ERI3: variants seen among roughly 807,000 people sequenced by gnomAD.
ERI3 encodes ERI1 exoribonuclease family member 3.
ERI3 carries 18 observed loss-of-function variants against 44.4 expected under a neutral mutation model. The ratio of observed to expected loss-of-function variants is 0.41; its 90% CI spans 0.28 to 0.60. The LOEUF is 0.60. Ranked by LOEUF, ERI3 falls within the 20% of genes least tolerant of loss-of-function variation. ERI3 has a pLI of 0.36. For synonymous variants in ERI3, 183 were observed against 164.8 expected (o/e 1.11, Z -0.84); for missense variants, 294 against 435.5 (o/e 0.68, Z 2.89).
intron 7 of ERI3, among the ~76,000 whole-genome samples, chr1:44,257,727 C>G (rs962802742): frequency 6.6e-6 from 1 of 152,158 alleles, no homozygotes; most frequent in Non-Finnish European, 1.5e-5. Context: ...TCCCTCTAAC[C>G]CAGCCCTCTG....
chr1:44,312,328 T>C (rs972483663), intron 5 of ERI3, among the ~76,000 whole-genome samples: 6 of 152,168 alleles, frequency 3.9e-5, no homozygotes, highest in African/African-American at 1.4e-4. Flanking sequence ...AAGCACCTAA[T>C]GAGATCCACG....
At chr1:44,288,906 T>C (rs749943490) in intron 6 of ERI3, among the ~76,000 whole-genome samples, 22 of 151,566 alleles carry the variant, frequency 1.5e-4, no homozygotes, top group Non-Finnish European at 2.9e-4. Flanking sequence ...CCTACCAGAT[T>C]GTGATTCCAA....
chr1:44,263,531 T>C (rs1644933020), intron 7 of ERI3, among the ~76,000 whole-genome samples: 1 of 152,202 alleles, frequency 6.6e-6, no homozygotes, highest in South Asian at 2.1e-4. Context: ...AACTTTGTAG[T>C]ACCTTAGATA....
chr1:44,310,963 G>GCGCGTGCGCGCGCGCACA (rs1373873768), intron 5 of ERI3, among the ~76,000 whole-genome samples: 2 of 123,202 alleles, frequency 1.6e-5, no homozygotes, highest in Non-Finnish European at 3.4e-5. Flanking sequence ...GCGCGCGCGC[G>GCGCGTGCGCGCGCGCACA]CACACACACA....
At chr1:44,232,739 CA>C (rs1644215097) in intron 8 of ERI3, among the ~76,000 whole-genome samples, 1 of 152,214 alleles carries the variant, frequency 6.6e-6, no homozygotes, top group Non-Finnish European at 1.5e-5. Flanking sequence ...AAGTCCCAGA[CA>C]ACACATTTCC....
intron 7 of ERI3, among the ~76,000 whole-genome samples, chr1:44,275,629 T>C (rs1006654174): frequency 6.6e-6 from 1 of 152,208 alleles, no homozygotes; most frequent in Non-Finnish European, 1.5e-5. Flanking sequence ...GAGCTGGTCC[T>C]CATCCAATCC....
At chr1:44,293,977 TG>T (rs1168844219) in intron 6 of ERI3, among the ~76,000 whole-genome samples, 1 of 152,230 alleles carries the variant, frequency 6.6e-6, no homozygotes, top group East Asian at 1.9e-4. Flanking sequence ...GGCCATCACC[TG>T]GGAGTCTCCA....
chr1:44,307,010 T>TAAA (rs1645851106), intron 6 of ERI3, among the ~76,000 whole-genome samples: 1 of 152,212 alleles, frequency 6.6e-6, no homozygotes, highest in Non-Finnish European at 1.5e-5. Context: ...TCTACTCCTT[T>TAAA]TCCATGGACT....
At position 44,339,153 on chromosome 1, in the gene ERI3, G is replaced by C; in HGVS notation, c.381C>G (p.Gly127=). ...CCATTGCCGCCATGGATGCGCCAAA[G>C]CCGTGGGCCGCCAGCTTTCTGGTGG... ...SISTRKLAAH[G]FGASMAAMVS... Residue 127 remains glycine (G), a synonymous_variant, in exon 3 of 9, where the codon GGC becomes GGG. Transcript: ENST00000372257. 1 of 1,614,074 alleles carries C rather than the reference G, an allele frequency of 6.2e-7. No individual in the cohort carries two copies. The highest frequency in any genetic ancestry group is 8.5e-7 in the Non-Finnish European group (1 of 1,180,010).
Position 44,352,836 on chromosome 1 carries a change from A to C in ERI3, c.211+14T>G, listed in dbSNP as rs754302539. ...AAAATAAAGCCAGACTTGACCATGC[A>C]ACAGGATTCTCACCTCTCCTTACTT... On this transcript the variant is annotated intron_variant, in intron 2 of 8. Coordinates refer to ENST00000372257, the MANE Select transcript of ERI3 (RefSeq NM_024066.3). 2 of 1,614,090 alleles carry C rather than the reference A, an allele frequency of 1.2e-6. No homozygotes were observed. Among genetic ancestry groups the C allele is most frequent in the South Asian group, 1.1e-5 (1 of 91,070 alleles).
At position 44,252,198 on chromosome 1, in the gene ERI3, G is replaced by GGCTGAGGTGAAAGAT. The variant is rs1321401116; in HGVS notation, c.832-4175_832-4161dup. Among the ~76,000 whole-genome samples, 3 of 152,226 alleles carry GGCTGAGGTGAAAGAT rather than the reference G, an allele frequency of 2.0e-5. No homozygotes were observed. The highest frequency in any genetic ancestry group is 7.2e-5 in the African/African-American group (3 of 41,456). On this transcript the variant is annotated intron_variant, in intron 7 of 8. Coordinates refer to ENST00000372257, the MANE Select transcript of ERI3 (RefSeq NM_024066.3). The surrounding 1 kb of genome is among the most constrained non-coding windows in gnomAD (Gnocchi z 4.7). Reference sequence around the variant, plus strand: ...GCGAGCCACAGGGACAGGTGGAGCTGGCTGAGGTGAAAGATGCTGGGCCTA... The same window carrying GGCTGAGGTGAAAGAT: ...GCGAGCCACAGGGACAGGTGGAGCTGGCTGAGGTGAAAGATGCTGAGGTGAAAGATGCTGGGCCTA...
At chr1:44,236,453 C>T (rs983087260) in intron 8 of ERI3, among the ~76,000 whole-genome samples, 5 of 151,902 alleles carry the variant, frequency 3.3e-5, no homozygotes, top group Admixed American at 6.6e-5. Context: ...AAAAAGTACA[C>T]GGGGAAAGGG....
At chr1:44,245,158 T>G (rs1644528805) in intron 8 of ERI3, among the ~76,000 whole-genome samples, 1 of 152,048 alleles carries the variant, frequency 6.6e-6, no homozygotes, top group African/African-American at 2.4e-5. Flanking sequence ...GCACAGTAAC[T>G]CGGGGCATCG....
intron 5 of ERI3, among the ~76,000 whole-genome samples, chr1:44,312,897 G>A (rs1376860866): frequency 6.6e-6 from 1 of 152,256 alleles, no homozygotes; most frequent in South Asian, 2.1e-4. Context: ...GAGTCAGCCA[G>A]CATAGGGCCA....
At chr1:44,239,745 C>T (rs780868008) in intron 8 of ERI3, among the ~76,000 whole-genome samples, 6 of 152,152 alleles carry the variant, frequency 3.9e-5, no homozygotes, top group Admixed American at 2.6e-4. Flanking sequence ...TGAGTGTAAG[C>T]GTTTCCATCC....
chr1:44,331,880 C>G (rs189832453), intron 3 of ERI3, among the ~76,000 whole-genome samples: 4 of 152,156 alleles, frequency 2.6e-5, no homozygotes, highest in Admixed American at 6.5e-5. Context: ...AGCCCTCCCC[C>G]ACACTGTGAG....
intron 5 of ERI3, among the ~76,000 whole-genome samples, chr1:44,312,234 C>T (rs1021855062): frequency 6.6e-6 from 1 of 152,224 alleles, no homozygotes; most frequent in Non-Finnish European, 1.5e-5. Flanking sequence ...TGCAGATGTG[C>T]CCTGCTATTC....
chr1:44,246,892 C>T (rs1397591295), intron 8 of ERI3, among the ~76,000 whole-genome samples: 1 of 151,646 alleles, frequency 6.6e-6, no homozygotes, highest in African/African-American at 2.4e-5. Flanking sequence ...TCTCTCCAGT[C>T]CCCCCCCACA....
intron 3 of ERI3, among the ~76,000 whole-genome samples, chr1:44,331,137 G>T (rs901767944): frequency 1.3e-5 from 2 of 152,028 alleles, no homozygotes. Flanking sequence ...AGTCGCTTCT[G>T]ATCCCACCAA....
Sources: allele counts gnomAD v4.1 joint callset (sites outside exome capture counted in the v4.1 genomes callset), GRCh38; gene constraint gnomAD v4.1.1; non-coding constraint Gnocchi (gnomAD v3.1); transcripts MANE v1.5; gene names NCBI Gene and HGNC (gene_info 2026-07-23, HGNC 2026-07-21).